Variants in NPC1 observed in about 807,000 individuals in gnomAD.
NPC1 encodes Niemann-Pick C1 protein.
NPC1 carries 85 observed loss-of-function variants against 140.4 expected under a neutral mutation model. That is an observed-to-expected ratio of 0.61 (90% CI 0.51 to 0.72). NPC1 has a LOEUF of 0.72. Ranked by LOEUF, NPC1 falls within the 30% of genes least tolerant of loss-of-function variation. The pLI, the probability that NPC1 is intolerant of heterozygous loss-of-function variation, is 0.00. For synonymous variants in NPC1, 656 were observed against 624.8 expected, an observed-to-expected ratio of 1.05 and a Z score of -0.74; for missense variants, 1,504 against 1,623.8, an observed-to-expected ratio of 0.93 and a Z score of 1.27.
chr18:23,576,128 GCAAGAGAATTGCTTGAAC>G (rs1266124298), intron 1 of NPC1, among the ~76,000 whole-genome samples: 1 of 152,120 alleles, frequency 6.6e-6, no homozygotes. Flanking sequence ...GGAGGCTGAG[GCAAGAGAATTGCTTGAAC>G]CCGAGAGGCG....
chr18:23,513,896 G>A (rs1008990153), intron 3 of NPC1, among the ~76,000 whole-genome samples: 1 of 152,138 alleles, frequency 6.6e-6, no homozygotes, highest in African/African-American at 2.4e-5. Context: ...TTGTTGAATT[G>A]TAGTTCTTTA....
At position 23,531,444 on chromosome 18, in the gene NPC1, T is replaced by C. The variant is rs2058502095; in HGVS notation, c.*758A>G. 6 of 1,277,628 alleles carry C rather than the reference T, an allele frequency of 4.7e-6. No homozygotes were observed. Among genetic ancestry groups the C allele is most frequent in the Admixed American group, 3.1e-5 (1 of 32,224 alleles). The allele number at this position is 1,277,628 out of a possible 1,614,324, so 79.1% of individuals were successfully genotyped here. On this transcript the variant is annotated 3_prime_UTR_variant, in exon 25 of 25. Transcript: ENST00000269228. Reference sequence around the variant, plus strand: ...CCATAAGGACAGGTTAGATAGAATCTCTTCCATTTAGCTTTTGTATTTGTC... The same window carrying C: ...CCATAAGGACAGGTTAGATAGAATCCCTTCCATTTAGCTTTTGTATTTGTC...
rs1343527083 is a variant in NPC1 at position 23,561,531 on chromosome 18, G to C, written c.464-4C>G. The C allele has an allele frequency of 6.2e-7, 1 of 1,613,926 alleles. No homozygotes were observed. The highest frequency in any genetic ancestry group is 8.5e-7 in the Non-Finnish European group (1 of 1,180,006). ...TCCCGGCAGGCATTGTACATTGCTA[G>C]AAGAGGAAACCCAAAGGAAAAAGGA... On this transcript the variant is annotated splice_polypyrimidine_tract_variant and splice_region_variant and intron_variant, in intron 4 of 24. Coordinates refer to ENST00000269228, the MANE Select transcript of NPC1 (RefSeq NM_000271.5).
At position 23,560,439 on chromosome 18, in the gene NPC1, T is replaced by C; in HGVS notation, c.673A>G (p.Lys225Glu). 4 of 1,614,184 alleles carry C rather than the reference T, an allele frequency of 2.5e-6. No individual in the cohort carries two copies. The highest frequency in any genetic ancestry group is 3.4e-6 in the Non-Finnish European group (4 of 1,180,022). ...TCATCCACAGACTCGTCACAGCCTT[T>C]GGTGGCATTGTTCATGGGCTCCATC... ...HGMEPMNNAT[K>E]GCDESVDEVT... is the part of the protein sequence containing the mutation. The change falls in exon 6 of 25, where the codon AAA (lysine) becomes GAA (glutamate). Residue 225 changes from lysine to glutamate, a missense_variant. Physicochemically the swap from Lys to Glu is moderately conservative, Grantham distance 56. Transcript: ENST00000269228.
chr18:23,556,289 G>A lies in NPC1; in HGVS notation c.1280C>T (p.Ala427Val). The A allele has an allele frequency of 6.2e-7, 1 of 1,614,154 alleles. No homozygotes were observed. Among genetic ancestry groups the A allele is most frequent in the East Asian group, 2.2e-5 (1 of 44,868 alleles). Residue 427 changes from alanine (A) to valine (V), a missense_variant, in exon 8 of 25, where the codon GCT becomes GTT. Coordinates refer to ENST00000269228, the MANE Select transcript of NPC1 (RefSeq NM_000271.5). Reference protein sequence around the residue: ...KHIYQPYPSGADVPFGPPLDI... With the variant: ...KHIYQPYPSGVDVPFGPPLDI... ...AAGCGGAGGTCCAAAGGGTACATCA[G>A]CTCCCGAAGGGTATGGCTGGTAAAT...
At chr18:23,583,048 AGTGAGCCACAATCAAACC>A (rs1313699781) in intron 1 of NPC1, among the ~76,000 whole-genome samples, 1 of 146,866 alleles carries the variant, frequency 6.8e-6, no homozygotes, top group Non-Finnish European at 1.5e-5. Context: ...TCAACACTTC[AGTGAGCCACAATCAAACC>A]ACTACACTTC....
chr18:23,560,301 T>C lies in NPC1; in HGVS notation c.811A>G (p.Ile271Val), dbSNP rs370810779. The C allele has an allele frequency of 3.7e-6, 6 of 1,614,186 alleles. No individual in the cohort carries two copies. The Admixed American group carries it at 6.7e-5, about 18-fold the overall frequency. The change falls in exon 6 of 25, where the codon ATC (isoleucine) becomes GTC (valine). Residue 271 changes from isoleucine to valine, a missense_variant. Transcript: ENST00000269228. ...AACGCCATGTAGGTGATCCACATGA[T>C]GACATACATGGCGTCCAAGCCAAGG... is the stretch of plus-strand genomic sequence containing the variant. ...TILGLDAMYV[I>V]MWITYMAFLL...
At chr18:23,578,455 T>C (rs1485687965) in intron 1 of NPC1, among the ~76,000 whole-genome samples, 1 of 152,072 alleles carries the variant, frequency 6.6e-6, no homozygotes. Flanking sequence ...ACCTGTGCAC[T>C]CAACAGCTGC....
chr18:23,521,028 T>C (rs1034861059), downstream of NPC1, among the ~76,000 whole-genome samples: 2 of 152,288 alleles, frequency 1.3e-5, no homozygotes, highest in Admixed American at 1.3e-4. Flanking sequence ...CAAATTTTTA[T>C]ATTTTTGGTA....
intron 3 of NPC1, among the ~76,000 whole-genome samples, chr18:23,509,942 GCCTTGGCCA>G (rs2057807319): frequency 6.7e-6 from 1 of 149,436 alleles, no homozygotes; most frequent in Non-Finnish European, 1.5e-5. Flanking sequence ...CTCAACTCCT[GCCTTGGCCA>G]CTCAGCTTTA....
chr18:23,549,409 G>T (rs972552227), intron 10 of NPC1, among the ~76,000 whole-genome samples: 2 of 152,122 alleles, frequency 1.3e-5, no homozygotes, highest in African/African-American at 4.8e-5. Flanking sequence ...AGGCCAAGGT[G>T]GGTGGATCAC....
chr18:23,516,096 G>T (rs571330195), intron 3 of NPC1: 1 of 1,549,414 alleles, frequency 6.5e-7, no homozygotes, highest in Admixed American at 1.7e-5. Context: ...GGTTCCTCTA[G>T]CCGTAACGTC....
chr18:23,531,791 A>T lies in NPC1; in HGVS notation c.*411T>A. On this transcript the variant is annotated 3_prime_UTR_variant, in exon 25 of 25. Transcript: ENST00000269228. ...CTCTTTAAACTATAAAATGTTATAA[A>T]GTGTATCTACAACCTCAACTGTCAC... 6.5e-7 allele frequency: 1 copy of T among 1,547,998 alleles called. No individual in the cohort carries two copies. Among genetic ancestry groups the T allele is most frequent in the South Asian group, 1.2e-5 (1 of 80,674 alleles).
downstream of NPC1, among the ~76,000 whole-genome samples, chr18:23,527,227 A>AAC (rs2058328445): frequency 6.7e-6 from 1 of 149,064 alleles, no homozygotes; most frequent in Non-Finnish European, 1.5e-5. Context: ...TCTCTACAAA[A>AAC]AAAAAAAAAA....
At chr18:23,569,050 G>A (rs2059166056) in intron 3 of NPC1, 52 bp from the exon 4 acceptor site, 1 of 1,256,200 alleles carries the variant, frequency 8.0e-7, no homozygotes, top group African/African-American at 1.5e-5. Flanking sequence ...AATAGGGCCA[G>A]CAAGAACGAT....
chr18:23,532,753 T>TG (rs2058555094), intron 24 of NPC1: 2 of 324,492 alleles, frequency 6.2e-6, no homozygotes, highest in Non-Finnish European at 8.8e-6. Context: ...TAGAACTACT[T>TG]TCTATCCCCC....
intron 11 of NPC1, among the ~76,000 whole-genome samples, chr18:23,545,572 C>G (rs926158341): frequency 2.0e-5 from 3 of 152,176 alleles, no homozygotes; most frequent in African/African-American, 7.2e-5. Flanking sequence ...AACCTTTATC[C>G]TGCATTAGGA....
At chr18:23,520,330 A>G (rs774863240), downstream of NPC1, 1 of 1,590,950 alleles carries the variant, frequency 6.3e-7, no homozygotes, top group Non-Finnish European at 8.6e-7. Context: ...CGGGTTCTGT[A>G]GAGGAGTCTG....
Position 23,586,481 on chromosome 18 carries a change from G to A in NPC1, c.-138C>T, listed in dbSNP as rs1315715056. ...GCAGGAGCAGGCGCTGACCGCGGCA[G>A]CAGGCTGCGCGCGCCGGTCAGGAAG... On this transcript the variant is annotated 5_prime_UTR_variant, in exon 1 of 25. Coordinates refer to ENST00000269228, the MANE Select transcript of NPC1 (RefSeq NM_000271.5). 11 of 1,430,374 alleles carry A rather than the reference G, an allele frequency of 7.7e-6. No homozygotes were observed. The highest frequency in any genetic ancestry group is 1.0e-5 in the Non-Finnish European group (11 of 1,100,262). 88.6% of individuals were successfully genotyped at this position (1,430,374 alleles called of 1,614,324 possible). A position where few individuals can be genotyped will look rare whatever the true frequency, so the allele number is the denominator to read the frequency against.
Sources: gnomAD v4.1 joint callset for allele counts (sites outside exome capture counted in the v4.1 genomes callset) on GRCh38, gnomAD v4.1.1 for gene constraint, MANE v1.5 for transcripts, NCBI Gene and HGNC (gene_info 2026-07-23, HGNC 2026-07-21) for gene names.